The following ZFYVE16 variants were observed in gnomAD, a reference collection of about 807,000 sequenced individuals.
The protein encoded by ZFYVE16 is zinc finger FYVE-type containing 16, also known as zinc finger FYVE domain-containing protein 16.
A neutral mutation model predicts 138.1 loss-of-function variants in ZFYVE16; 89 were observed. The ratio of observed to expected loss-of-function variants is 0.64; its 90% CI spans 0.54 to 0.77. ZFYVE16 has a LOEUF of 0.77. Among genes scored for constraint, ZFYVE16 ranks in the 30% least tolerant of loss-of-function variants. The probability of loss-of-function intolerance (pLI) is 0.00; values close to 1 mark genes in which losing one functional copy is unlikely to be tolerated. For synonymous variants in ZFYVE16, 596 were observed against 618.3 expected (o/e 0.96, Z 0.53); for missense variants, 1,793 against 1,786.7 (o/e 1.00, Z -0.06).
At chr5:80,416,415 C>T (rs1287235284) in intron 1 of ZFYVE16, among the ~76,000 whole-genome samples, 1 of 151,676 alleles carries the variant, frequency 6.6e-6, no homozygotes, top group Non-Finnish European at 1.5e-5. Context: ...AGCACCATGC[C>T]CGGCTAATTT....
At position 80,440,768 on chromosome 5, in the gene ZFYVE16, T is replaced by C. The variant is rs148862335; in HGVS notation, c.2419+736T>C. On this transcript the variant is annotated intron_variant, in intron 5 of 18. Transcript: ENST00000505560. ...ACCACTTGGCATTTTCAAAGATTCG[T>C]TGACAGTTTAATTCCTAGCAAATAT... 4.3e-4 allele frequency: 428 copies of C among 984,876 alleles called. 2 individuals carry two copies. The African/African-American group carries it at 6.9e-3, about 16-fold the overall frequency. 61.0% of individuals were successfully genotyped at this position (984,876 alleles called of 1,614,324 possible).
chr5:80,430,732 C>T (rs545734061), intron 2 of ZFYVE16, among the ~76,000 whole-genome samples: 33 of 152,040 alleles, frequency 2.2e-4, no homozygotes, highest in Admixed American at 1.6e-3. Flanking sequence ...ATCAAATAGA[C>T]GCAATAAAAA....
At chr5:80,467,956 A>G (rs1299973308) in intron 15 of ZFYVE16, among the ~76,000 whole-genome samples, 1 of 152,200 alleles carries the variant, frequency 6.6e-6, no homozygotes, top group East Asian at 1.9e-4. Flanking sequence ...TAAGAAAAAA[A>G]TATATATAAA....
At chr5:80,450,717 C>A in intron 10 of ZFYVE16, 131 bp downstream of exon 10, 1 of 882,122 alleles carries the variant, frequency 1.1e-6, no homozygotes, top group Non-Finnish European at 1.6e-6. Flanking sequence ...CTGAAAATAG[C>A]TTAATAATTA....
At chr5:80,426,931 A>T (rs1486775096) in intron 1 of ZFYVE16, among the ~76,000 whole-genome samples, 1 of 152,054 alleles carries the variant, frequency 6.6e-6, no homozygotes, top group Non-Finnish European at 1.5e-5. Flanking sequence ...TTGACTTTTT[A>T]ATGATTGCCA....
chr5:80,448,370 C>G lies in ZFYVE16; in HGVS notation c.3069C>G (p.Pro1023=). The change falls in exon 8 of 19, where the codon CCC becomes CCG. Residue 1023 remains proline (P), a synonymous_variant. Transcript: ENST00000505560. ...SLLPNDEDSL[P]PLLVASGEKG... is the part of the protein sequence containing the mutation. ...TACCTAATGATGAGGACAGTTTGCC[C>G]CCACTTCTGGTTGCATCTGGAGAAA... is the stretch of plus-strand genomic sequence containing the variant. The G allele has an allele frequency of 6.4e-7, 1 of 1,569,718 alleles. No homozygotes were observed. Among genetic ancestry groups the G allele is most frequent in the South Asian group, 1.2e-5 (1 of 83,792 alleles).
At chr5:80,413,101 A>C (rs1413608600) in intron 1 of ZFYVE16, among the ~76,000 whole-genome samples, 1 of 152,242 alleles carries the variant, frequency 6.6e-6, no homozygotes, top group African/African-American at 2.4e-5. Context: ...GCTTGAGCCC[A>C]GCACGTGGAG....
chr5:80,445,472 G>A, intron 7 of ZFYVE16, 67 bp downstream of exon 7: 2 of 1,334,298 alleles, frequency 1.5e-6, no homozygotes, highest in Non-Finnish European at 1.0e-6. Flanking sequence ...TTCCTGGTGT[G>A]ATTATTAGAG....
chr5:80,414,472 G>A (rs1387469679), intron 1 of ZFYVE16, among the ~76,000 whole-genome samples: 12 of 152,136 alleles, frequency 7.9e-5, no homozygotes, highest in Non-Finnish European at 2.9e-5. Context: ...AGCTTCCTGA[G>A]AGAGACAGAA....
At position 80,448,281 on chromosome 5, in the gene ZFYVE16, A is replaced by G. The variant is rs1751608987; in HGVS notation, c.2980A>G (p.Ser994Gly). 3.1e-6 allele frequency: 5 copies of G among 1,613,650 alleles called. No homozygotes were observed. Among genetic ancestry groups the G allele is most frequent in the Non-Finnish European group, 4.2e-6 (5 of 1,179,914 alleles). The change falls in exon 8 of 19, where the codon AGT becomes GGT. Residue 994 changes from serine (S) to glycine (G), a missense_variant. Ser to Gly is a moderately conservative substitution (Grantham distance 56). Coordinates refer to ENST00000505560, the MANE Select transcript of ZFYVE16 (RefSeq NM_001284236.3). ...VLVNSNLPIA[S>G]ISDYRLLCDI... ...AGTTAACAGCAATTTACCTATTGCT[A>G]GTATTTCAGATTATAGGTTACTGTG...
At position 80,481,751 on chromosome 5, in the gene ZFYVE16, CAATG is replaced by C. The variant is rs1164600257; in HGVS notation, c.*4377_*4380del. Among the ~76,000 whole-genome samples the C allele has an allele frequency of 5.3e-5, 8 of 152,122 alleles. No individual in the cohort carries two copies. Among genetic ancestry groups the C allele is most frequent in the African/African-American group, 1.9e-4 (8 of 41,434 alleles). On this transcript the variant is annotated 3_prime_UTR_variant, in exon 19 of 19. Transcript: ENST00000505560. The stretch of plus-strand genomic sequence containing the variant: ...CCTAAGCAACTCTCTAGGGAAAAGA[CAATG>C]AACAAGAGCCAACTCTAAGGTTACC...
chr5:80,423,874 A>C (rs1747602110), intron 1 of ZFYVE16, among the ~76,000 whole-genome samples: 1 of 151,972 alleles, frequency 6.6e-6, no homozygotes, highest in African/African-American at 2.4e-5. Flanking sequence ...TACTTGTTTT[A>C]GGCCAAAATT....
intron 18 of ZFYVE16, among the ~76,000 whole-genome samples, chr5:80,476,340 G>A (rs985887630): frequency 2.6e-5 from 4 of 152,042 alleles, no homozygotes; most frequent in Non-Finnish European, 4.4e-5. Context: ...ATTATTACTT[G>A]TTAAATAGAT....
chr5:80,449,233 T>A (rs1010947276), intron 8 of ZFYVE16, among the ~76,000 whole-genome samples: 8 of 152,188 alleles, frequency 5.3e-5, no homozygotes, highest in African/African-American at 1.9e-4. Flanking sequence ...TCTAGACTAC[T>A]TTCATAGACT....
At chr5:80,456,818 A>C in intron 13 of ZFYVE16, 127 bp from the exon 14 acceptor site, 1 of 1,154,190 alleles carries the variant, frequency 8.7e-7, no homozygotes. Flanking sequence ...TTTCCATCAC[A>C]TTCCCAGGGA....
In ZFYVE16 at chr5:80,480,832, A is replaced by G. The variant is rs1755241308; in HGVS notation, c.*3455A>G. On this transcript the variant is annotated 3_prime_UTR_variant, in exon 19 of 19. Coordinates refer to ENST00000505560, the MANE Select transcript of ZFYVE16 (RefSeq NM_001284236.3). ...GCTTCACGGGGGCTGAGGTGGGAGGATCACTTGAGCCCAGGAGGTTAAGGC... is the reference window on the plus strand; with the variant it reads ...GCTTCACGGGGGCTGAGGTGGGAGGGTCACTTGAGCCCAGGAGGTTAAGGC... Among the ~76,000 whole-genome samples, 1 of 152,046 alleles carries G rather than the reference A, an allele frequency of 6.6e-6. No homozygotes were observed. The highest frequency in any genetic ancestry group is 1.5e-5 in the Non-Finnish European group (1 of 68,016).
chr5:80,427,136 T>G (rs1561248145), intron 1 of ZFYVE16, among the ~76,000 whole-genome samples: 1 of 152,000 alleles, frequency 6.6e-6, no homozygotes, highest in African/African-American at 2.4e-5. Flanking sequence ...CTCCTGCCTC[T>G]TGCCTCCCTG....
intron 16 of ZFYVE16, 23 bp downstream of exon 16, chr5:80,472,946 A>C (rs763332516): frequency 1.3e-6 from 2 of 1,557,816 alleles, no homozygotes; most frequent in South Asian, 2.5e-5. Context: ...TTATTCTAAA[A>C]TATAATTGAT....
chr5:80,446,189 G>A (rs1000175758), intron 7 of ZFYVE16, among the ~76,000 whole-genome samples: 1 of 151,930 alleles, frequency 6.6e-6, no homozygotes, highest in African/African-American at 2.4e-5. Context: ...GAGCCACCGT[G>A]CCTGGCCCAG....
Sources: gnomAD v4.1 joint callset for allele counts (sites outside exome capture counted in the v4.1 genomes callset) on GRCh38, gnomAD v4.1.1 for gene constraint, MANE v1.5 for transcripts, NCBI Gene and HGNC (gene_info 2026-07-23, HGNC 2026-07-21) for gene names.